Variants in BMP1 observed in about 807,000 individuals in gnomAD.
BMP1 encodes the protein bone morphogenetic protein 1.
BMP1 carries 63 observed loss-of-function variants against 116.8 expected under a neutral mutation model. The ratio of observed to expected loss-of-function variants is 0.54; its 90% CI spans 0.44 to 0.67. BMP1 has a LOEUF of 0.67. Ranked by LOEUF, BMP1 falls within the 30% of genes least tolerant of loss-of-function variation. The pLI, the probability that BMP1 is intolerant of heterozygous loss-of-function variation, is 0.00. For synonymous variants in BMP1, 536 were observed against 533.4 expected, an observed-to-expected ratio of 1.00 and a Z score of -0.07; for missense variants, 1,183 against 1,358.9, an observed-to-expected ratio of 0.87 and a Z score of 2.04.
intron 2 of BMP1, 127 bp from the exon 3 acceptor site, chr8:22,176,016 C>A: frequency 1.0e-6 from 1 of 974,084 alleles, no homozygotes; most frequent in Non-Finnish European, 1.5e-6. Flanking sequence ...ATTTTGGGGA[C>A]TACGAATAAA....
Position 22,209,688 on chromosome 8 carries a change from G to A in BMP1, c.2819G>A (p.Gly940Asp). ...GCCCCCAGGCTGGGGCGCTACTGTG[G>A]CTCAGGGGTGAGGCCCCCACCCCTC... ...STAPRLGRYC[G>D]SGPPEEVYSA... The change falls in exon 19 of 20, where the codon GGC (glycine) becomes GAC (aspartate). Residue 940 changes from glycine (G) to aspartate (D), a missense_variant. Gly to Asp is a moderately conservative substitution (Grantham distance 94, BLOSUM62 -1). Around this residue, in one of 4 missense-constraint regions of BMP1, gnomAD observed 956 missense variants for 1,135.2 expected, o/e 0.84. Transcript: ENST00000306385. The A allele has an allele frequency of 6.2e-7, 1 of 1,613,542 alleles. No individual in the cohort carries two copies. Among genetic ancestry groups the A allele is most frequent in the East Asian group, 2.2e-5 (1 of 44,838 alleles).
chr8:22,201,023 A>G, intron 15 of BMP1: 1 of 541,676 alleles, frequency 1.8e-6, no homozygotes, highest in Non-Finnish European at 3.1e-6. Flanking sequence ...TCCACCTCAG[A>G]GGCCCTGGGT....
At position 22,194,995 on chromosome 8, in the gene BMP1, C is replaced by T. The variant is rs1829041530; in HGVS notation, c.1639+76C>T. 5.5e-6 allele frequency: 8 copies of T among 1,448,516 alleles called. No individual in the cohort carries two copies. The highest frequency in any genetic ancestry group is 2.5e-4 in the Middle Eastern group (1 of 3,980). The allele number at this position is 1,448,516 out of a possible 1,614,324, so 89.7% of individuals were successfully genotyped here. Reference sequence around the variant, plus strand: ...CCCTTCTTCACTCACTCATTCAACACGGAGACTCCAGGAGGCATATTGATA... The same window carrying T: ...CCCTTCTTCACTCACTCATTCAACATGGAGACTCCAGGAGGCATATTGATA... On this transcript the variant is annotated intron_variant, in intron 12 of 19. Transcript: ENST00000306385. This position sits in a 1 kb window ranked among gnomAD's most constrained non-coding sequence, Gnocchi z 4.5.
chr8:22,186,963 G>C (rs1227970526), intron 8 of BMP1, among the ~76,000 whole-genome samples: 1 of 152,074 alleles, frequency 6.6e-6, no homozygotes, highest in Non-Finnish European at 1.5e-5. Flanking sequence ...GTTAACTGCT[G>C]CTATCTTTCC....
intron 8 of BMP1, among the ~76,000 whole-genome samples, chr8:22,186,472 A>C (rs893270085): frequency 1.3e-5 from 2 of 151,972 alleles, no homozygotes; most frequent in African/African-American, 4.8e-5. Context: ...GTCTATCTAT[A>C]TATATATTTT....
chr8:22,177,831 C>T, intron 5 of BMP1, 21 bp from the exon 6 acceptor site: 4 of 1,575,230 alleles, frequency 2.5e-6, no homozygotes, highest in South Asian at 1.1e-5. Context: ...TCCCCCCACA[C>T]CCTTTTCCTG....
intron 8 of BMP1, among the ~76,000 whole-genome samples, chr8:22,182,070 C>T (rs1828638510): frequency 6.6e-6 from 1 of 152,186 alleles, no homozygotes. Context: ...CCTTCTGTGT[C>T]CATATTTTTA....
At chr8:22,173,328 C>T (rs1002766406) in intron 1 of BMP1, among the ~76,000 whole-genome samples, 2 of 152,136 alleles carry the variant, frequency 1.3e-5, no homozygotes, top group Admixed American at 1.3e-4. Context: ...CCCTATCTGC[C>T]CCACACTCCC....
At chr8:22,197,884 C>T (rs1829137828) in intron 15 of BMP1, among the ~76,000 whole-genome samples, 1 of 152,146 alleles carries the variant, frequency 6.6e-6, no homozygotes, top group African/African-American at 2.4e-5. Flanking sequence ...ACACTGGGGC[C>T]TTCAGAAAGA....
chr8:22,201,171 C>T lies in BMP1; in HGVS notation c.2108-632C>T, dbSNP rs116360985. On this transcript the variant is annotated intron_variant, in intron 15 of 19. Transcript: ENST00000306385. Reference sequence around the variant, plus strand: ...GGGACGCCCCCACCAGCTCAAATTCCGAGTGCAGAAAAGAAACCGGACCCC... The same window carrying T: ...GGGACGCCCCCACCAGCTCAAATTCTGAGTGCAGAAAAGAAACCGGACCCC... The T allele has an allele frequency of 6.1e-4, 991 of 1,613,060 alleles. 6 individuals are homozygous for T. The African/African-American group carries it at 0.011, about 18-fold the overall frequency.
At chr8:22,199,042 C>T (rs767913371) in intron 15 of BMP1, 190 of 1,348,634 alleles carry the variant, frequency 1.4e-4, no homozygotes, top group Admixed American at 5.3e-4. Context: ...GGCAGGGGAC[C>T]GACACTCACA....
Position 22,195,610 on chromosome 8 carries a change from T to C in BMP1, c.1765+23T>C, listed in dbSNP as rs4075478. 0.39 allele frequency: 628,504 copies of C among 1,602,902 alleles called. 127,440 individuals are homozygous for C. Among genetic ancestry groups the C allele is most frequent in the African/African-American group, 0.62 (45,661 of 73,952 alleles). On this transcript the variant is annotated intron_variant, in intron 13 of 19. Coordinates refer to ENST00000306385, the MANE Select transcript of BMP1 (RefSeq NM_006129.5). ...AGGGTGAGTGCCCCCAGACTGCCTC[T>C]GACCCTGTTCTTTCCCTGGCACCAG...
intron 16 of BMP1, among the ~76,000 whole-genome samples, chr8:22,202,225 C>T (rs1344970908): frequency 6.6e-6 from 1 of 152,222 alleles, no homozygotes; most frequent in Non-Finnish European, 1.5e-5. Context: ...TTGTGACTTC[C>T]TACCGGCACA....
rs1829475901 is a variant in BMP1, at chr8:22,212,252, G to A, written c.*524G>A. ...GGGAGGGGATGGAGAAACAAGACAG[G>A]GCTTCTCTCAGGCCCAGTGGCCGGT... On this transcript the variant is annotated 3_prime_UTR_variant, in exon 20 of 20. Coordinates refer to ENST00000306385, the MANE Select transcript of BMP1 (RefSeq NM_006129.5). The A allele has an allele frequency of 1.2e-5, 2 of 162,178 alleles. No individual in the cohort carries two copies. Among genetic ancestry groups the A allele is most frequent in the African/African-American group, 4.8e-5 (2 of 41,816 alleles). The allele number at this position is 162,178 out of a possible 1,614,324, so 10.0% of individuals were successfully genotyped here. A position where few individuals can be genotyped will look rare whatever the true frequency, so the allele number is the denominator to read the frequency against.
At chr8:22,172,877 A>G (rs1828321848) in intron 1 of BMP1, among the ~76,000 whole-genome samples, 1 of 152,018 alleles carries the variant, frequency 6.6e-6, no homozygotes, top group South Asian at 2.1e-4. Context: ...TCGACCTCCC[A>G]AAGTGTTGGG....
At chr8:22,167,426 CAGAGAAAAG>C (rs1828147358) in intron 1 of BMP1, among the ~76,000 whole-genome samples, 1 of 152,100 alleles carries the variant, frequency 6.6e-6, no homozygotes, top group Non-Finnish European at 1.5e-5. Flanking sequence ...CTGGTGGTGG[CAGAGAAAAG>C]TGATCACAGC....
chr8:22,192,927 A>C (rs34751594), intron 9 of BMP1, among the ~76,000 whole-genome samples: 24,404 of 152,186 alleles, frequency 0.16, 2,238 homozygotes, highest in African/African-American at 0.25. Flanking sequence ...CCAGACGGAT[A>C]TTGCTAACCT....
Position 22,179,947 on chromosome 8 carries a change from G to C in BMP1, c.961+118G>C, listed in dbSNP as rs371131736. ...TGCAAGTCTTAGAGAATGGTGTGGC[G>C]GGGGAGGGGACCCCATAGGAGGGGC... On this transcript the variant is annotated intron_variant, in intron 7 of 19. Coordinates refer to ENST00000306385, the MANE Select transcript of BMP1 (RefSeq NM_006129.5). This position sits in a 1 kb window ranked among gnomAD's most constrained non-coding sequence, Gnocchi z 4.6. 1 of 1,179,178 alleles carries C rather than the reference G, an allele frequency of 8.5e-7. No individual in the cohort carries two copies. The highest frequency in any genetic ancestry group is 1.5e-5 in the African/African-American group (1 of 64,534). The allele number at this position is 1,179,178 out of a possible 1,614,324, so 73.0% of individuals were successfully genotyped here. A position where few individuals can be genotyped will look rare whatever the true frequency, so the allele number is the denominator to read the frequency against.
chr8:22,188,608 C>G (rs1490186579), intron 8 of BMP1, among the ~76,000 whole-genome samples: 1 of 152,264 alleles, frequency 6.6e-6, no homozygotes, highest in African/African-American at 2.4e-5. Flanking sequence ...ACAGCTGTTT[C>G]CACACGACAG....
Sources: allele counts gnomAD v4.1 joint callset (sites outside exome capture counted in the v4.1 genomes callset), GRCh38; gene constraint gnomAD v4.1.1; regional missense constraint gnomAD v4.1.1; non-coding constraint Gnocchi (gnomAD v3.1); transcripts MANE v1.5; gene names NCBI Gene and HGNC (gene_info 2026-07-23, HGNC 2026-07-21).